The following KIF21A variants were observed in gnomAD, a reference collection of about 807,000 sequenced individuals.
KIF21A encodes the protein kinesin family member 21A, also known as kinesin-like protein KIF21A.
In KIF21A, 114 loss-of-function variants were observed where a neutral mutation model predicts 202.9. The ratio of observed to expected loss-of-function variants is 0.56; its 90% CI spans 0.48 to 0.66. The LOEUF is 0.66. KIF21A is among the 30% of genes least tolerant of loss of function. The pLI is 0.00. For missense variants in KIF21A, 1,677 were observed against 1,994.9 expected (o/e 0.84, Z 3.04); for synonymous variants, 667 against 670.8 (o/e 0.99, Z 0.09).
chr12:39,417,236 C>T (rs976645259), intron 1 of KIF21A, among the ~76,000 whole-genome samples: 2 of 151,802 alleles, frequency 1.3e-5, no homozygotes, highest in African/African-American at 2.4e-5. Context: ...AAAAATATGG[C>T]AGTACTAAAT....
At chr12:39,392,272 T>TGAAA (rs1171144968) in intron 1 of KIF21A, among the ~76,000 whole-genome samples, 1 of 152,064 alleles carries the variant, frequency 6.6e-6, no homozygotes, top group African/African-American at 2.4e-5. Context: ...ACATGAAGAA[T>TGAAA]GAAAGAAAGA....
chr12:39,356,314 T>C lies in KIF21A; in HGVS notation c.1469+518A>G, dbSNP rs568447917. On this transcript the variant is annotated intron_variant, in intron 10 of 37. Coordinates refer to ENST00000361418, the MANE Select transcript of KIF21A (RefSeq NM_001173464.2). Reference sequence around the variant, plus strand: ...ATGTCATGCTTGCCCCCAGCCCCAGTCATGGTATTGACATATGCAAGTATG... The same window carrying C: ...ATGTCATGCTTGCCCCCAGCCCCAGCCATGGTATTGACATATGCAAGTATG... Among the ~76,000 whole-genome samples the C allele has an allele frequency of 2.0e-5, 3 of 152,300 alleles. No individual in the cohort carries two copies. In the South Asian group the frequency reaches 6.2e-4, roughly 32 times the overall value.
At chr12:39,328,728 A>T (rs1200869103) in intron 24 of KIF21A, among the ~76,000 whole-genome samples, 1 of 152,200 alleles carries the variant, frequency 6.6e-6, no homozygotes, top group Non-Finnish European at 1.5e-5. Flanking sequence ...GGCACACAAA[A>T]GTGTGGCTAA....
At chr12:39,424,461 T>C (rs1954590576) in intron 1 of KIF21A, among the ~76,000 whole-genome samples, 1 of 152,218 alleles carries the variant, frequency 6.6e-6, no homozygotes, top group Admixed American at 6.5e-5. Context: ...CTCTCAAAAG[T>C]TTATCTTCAG....
At chr12:39,416,525 G>A (rs575109743) in intron 1 of KIF21A, among the ~76,000 whole-genome samples, 15 of 151,178 alleles carry the variant, frequency 9.9e-5, no homozygotes, top group African/African-American at 3.6e-4. Flanking sequence ...GAACCCGGGA[G>A]GTGGAGGTTG....
intron 26 of KIF21A, 124 bp from the exon 27 acceptor site, chr12:39,323,006 C>CAGAGATTTATATAAGTTTGAAATAGGT: frequency 1.7e-6 from 1 of 584,500 alleles, no homozygotes; most frequent in Non-Finnish European, 2.7e-6. Flanking sequence ...CCTAGGTGTG[C>CAGAGATTTATATAAGTTTGAAATAGGT]CAAACATAGC....
intron 1 of KIF21A, among the ~76,000 whole-genome samples, chr12:39,426,011 A>G (rs913418278): frequency 6.6e-6 from 1 of 152,128 alleles, no homozygotes; most frequent in African/African-American, 2.4e-5. Flanking sequence ...AACTCCACCA[A>G]TAATAAATGT....
intron 12 of KIF21A, 83 bp downstream of exon 12, chr12:39,346,383 A>G (rs1475492565): frequency 4.1e-6 from 4 of 983,786 alleles, no homozygotes; most frequent in South Asian, 6.1e-5. Flanking sequence ...GAAACAATCT[A>G]TAATACTATA....
intron 35 of KIF21A, 82 bp downstream of exon 35, chr12:39,304,739 G>A: frequency 1.3e-6 from 1 of 770,328 alleles, no homozygotes; most frequent in Non-Finnish European, 2.3e-6. Context: ...GAAAATAAGA[G>A]AAAGAGGTCC....
At chr12:39,349,126 A>G (rs1190856942) in intron 11 of KIF21A, among the ~76,000 whole-genome samples, 1 of 152,106 alleles carries the variant, frequency 6.6e-6, no homozygotes, top group African/African-American at 2.4e-5. Context: ...GGTCAGTAAG[A>G]ACGAATGGCT....
At chr12:39,371,689 C>G (rs1949964840) in intron 1 of KIF21A, among the ~76,000 whole-genome samples, 1 of 151,978 alleles carries the variant, frequency 6.6e-6, no homozygotes, top group Non-Finnish European at 1.5e-5. Context: ...CCTGTAATCC[C>G]AGGACTTAGG....
chr12:39,309,784 A>G lies in KIF21A; in HGVS notation c.4097-18T>C. ...AGTACGATCTAAAACAAACACATAA[A>G]AAAAAGAAAACACCATTAATATGAA... is the stretch of plus-strand genomic sequence containing the variant. On this transcript the variant is annotated intron_variant, in intron 32 of 37. Coordinates refer to ENST00000361418, the MANE Select transcript of KIF21A (RefSeq NM_001173464.2). The G allele has an allele frequency of 6.2e-7, 1 of 1,606,670 alleles. No individual in the cohort carries two copies. The highest frequency in any genetic ancestry group is 1.1e-5 in the South Asian group (1 of 90,716).
At chr12:39,333,534 T>G (rs1390441959) in intron 17 of KIF21A, among the ~76,000 whole-genome samples, 3 of 152,192 alleles carry the variant, frequency 2.0e-5, no homozygotes, top group Non-Finnish European at 4.4e-5. Flanking sequence ...TTTGATACAT[T>G]TGGTGCTTAC....
intron 6 of KIF21A, among the ~76,000 whole-genome samples, chr12:39,365,927 C>T (rs565825371): frequency 9.2e-5 from 14 of 152,132 alleles, no homozygotes; most frequent in East Asian, 5.8e-4. Context: ...CAATTGAGCC[C>T]GTGAGGTCAA....
chr12:39,366,359 G>A lies in KIF21A; in HGVS notation c.894C>T (p.Asn298=), dbSNP rs1213864498. The change falls in exon 6 of 38, where the codon AAC becomes AAT. Residue 298 remains asparagine, a synonymous_variant. Coordinates refer to ENST00000361418, the MANE Select transcript of KIF21A (RefSeq NM_001173464.2). ...AAAGCCTTAATCTTACAAGTCCACAGTTGATAGAAATGCCTTCTTTTGCCC... is the reference window on the plus strand; with the variant it reads ...AAAGCCTTAATCTTACAAGTCCACAATTGATAGAAATGCCTTCTTTTGCCC... ...GERAKEGISI[N]CGLLALGNVI... is the part of the protein sequence containing the mutation. The A allele has an allele frequency of 1.2e-6, 2 of 1,613,802 alleles. No individual in the cohort carries two copies. The highest frequency in any genetic ancestry group is 2.2e-5 in the East Asian group (1 of 44,860).
At chr12:39,311,184 AAATACTGTAGAGAGATGT>A (rs1264041037) in intron 32 of KIF21A, among the ~76,000 whole-genome samples, 11 of 152,110 alleles carry the variant, frequency 7.2e-5, no homozygotes, top group Admixed American at 1.3e-4. Context: ...GTACATGCCC[AAATACTGTAGAGAGATGT>A]ATTCTGTCAC....
intron 1 of KIF21A, among the ~76,000 whole-genome samples, chr12:39,408,966 C>A (rs963041080): frequency 5.2e-4 from 79 of 151,830 alleles, no homozygotes; most frequent in African/African-American, 1.8e-3. Flanking sequence ...ACCACAGGTG[C>A]GTGCCACCAC....
intron 12 of KIF21A, among the ~76,000 whole-genome samples, chr12:39,344,288 A>G (rs1947703833): frequency 6.6e-6 from 1 of 152,174 alleles, no homozygotes; most frequent in African/African-American, 2.4e-5. Flanking sequence ...TCATCCAATC[A>G]TCAATTAAAA....
chr12:39,424,744 C>A (rs1337126498), intron 1 of KIF21A, among the ~76,000 whole-genome samples: 1 of 152,144 alleles, frequency 6.6e-6, no homozygotes, highest in Non-Finnish European at 1.5e-5. Flanking sequence ...GCCCAAGCCA[C>A]CTTTATGTCA....
Sources: allele counts gnomAD v4.1 joint callset (sites outside exome capture counted in the v4.1 genomes callset), GRCh38; gene constraint gnomAD v4.1.1; transcripts MANE v1.5; gene names NCBI Gene and HGNC (gene_info 2026-07-23, HGNC 2026-07-21).